MAST3: variants seen among roughly 807,000 people sequenced by gnomAD.
MAST3 encodes microtubule associated serine/threonine kinase 3.
In MAST3, 43 loss-of-function variants were observed where a neutral mutation model predicts 127.0. The observed-to-expected ratio is 0.34, with a 90% CI of 0.27 to 0.44. MAST3 has a LOEUF of 0.44. Among genes scored for constraint, MAST3 ranks in the 20% least tolerant of loss-of-function variants. The pLI, the probability that MAST3 is intolerant of heterozygous loss-of-function variation, is 1.00. For missense variants in MAST3, 1,390 were observed against 1,919.1 expected (o/e 0.72, Z 5.15); for synonymous variants, 785 against 809.2 (o/e 0.97, Z 0.51).
In MAST3 at chr19:18,143,895, T is replaced by A. The variant is rs1346523312; in HGVS notation, c.2472T>A (p.Asp824Glu). The A allele has an allele frequency of 6.2e-7, 1 of 1,613,886 alleles. No individual in the cohort carries two copies. The highest frequency in any genetic ancestry group is 8.5e-7 in the Non-Finnish European group (1 of 1,179,864). ...TMPKFAFSSE[D>E]EGVGPGPAGP... The stretch of plus-strand genomic sequence containing the variant: ...CCAAGTTTGCCTTCTCATCAGAGGA[T>A]GAGGGGGTAGGCCCAGGCCCTGCAG... Residue 824 changes from aspartate to glutamate, a missense_variant, in exon 22 of 28, where the codon GAT becomes GAA. Physicochemically the swap from Asp to Glu is conservative, Grantham distance 45. Coordinates refer to ENST00000687212, the MANE Select transcript of MAST3 (RefSeq NM_001393504.1).
rs368041200 is a variant in MAST3, at chr19:18,149,633, G to C, written c.3951G>C (p.Glu1317Asp). ...VQEVSFDEPQ[E>D]EATGLPTSVP... ...AGGTTAGCTTCGATGAGCCGCAGGAGGAGGCCACTGGGCTGCCCACCTCAG... is the reference window on the plus strand; with the variant it reads ...AGGTTAGCTTCGATGAGCCGCAGGACGAGGCCACTGGGCTGCCCACCTCAG... Residue 1317 changes from glutamate to aspartate, a missense_variant, in exon 28 of 28, where the codon GAG becomes GAC. Physicochemically the swap from Glu to Asp is conservative, Grantham distance 45. This residue lies in a region of MAST3 where 816 missense variants were observed against 934.1 expected (regional missense o/e 0.87). Transcript: ENST00000687212. This position sits in a 1 kb window ranked among gnomAD's most constrained non-coding sequence, Gnocchi z 5.9. 5.0e-5 allele frequency: 80 copies of C among 1,613,164 alleles called. No homozygotes were observed. The African/African-American group carries it at 1.0e-3, about 20-fold the overall frequency.
chr19:18,109,978 C>T, intron 2 of MAST3: 1 of 985,366 alleles, frequency 1.0e-6, no homozygotes, highest in Non-Finnish European at 1.2e-6. Context: ...GAGCCAGTGA[C>T]CGCCCTTCCC....
intron 8 of MAST3, 89 bp downstream of exon 8, chr19:18,123,744 C>A (rs1221364249): frequency 1.7e-6 from 2 of 1,193,636 alleles, no homozygotes; most frequent in Non-Finnish European, 2.3e-6. Flanking sequence ...GGCTATGTCC[C>A]CTTTGCCAGT....
At chr19:18,139,927 C>T (rs1312361526) in intron 20 of MAST3, among the ~76,000 whole-genome samples, 1 of 148,870 alleles carries the variant, frequency 6.7e-6, no homozygotes, top group Non-Finnish European at 1.5e-5. Flanking sequence ...TCACGCCATT[C>T]TCCTGCCTCA....
rs775141064 is a variant in MAST3 at position 18,130,516 on chromosome 19, C to G, written c.1246C>G (p.Arg416Gly). The G allele has an allele frequency of 6.2e-7, 1 of 1,606,614 alleles. No individual in the cohort carries two copies. Among genetic ancestry groups the G allele is most frequent in the Non-Finnish European group, 8.5e-7 (1 of 1,176,382 alleles). The change falls in exon 14 of 28, where the codon CGT becomes GGT. Residue 416 changes from arginine (R) to glycine (G), a missense_variant. Physicochemically the swap from Arg to Gly is moderately radical, Grantham distance 125 (BLOSUM62 -2). This residue lies in a region of MAST3 where 277 missense variants were observed against 384.8 expected (regional missense o/e 0.72). Transcript: ENST00000687212. ...CAGGGCCGTCTACCTGGTGCGGCACCGTGACACACGGCAGCGCTTTGCCAT... is the reference window on the plus strand; with the variant it reads ...CAGGGCCGTCTACCTGGTGCGGCACGGTGACACACGGCAGCGCTTTGCCAT... ...AYGAVYLVRH[R>G]DTRQRFAIKK...
At chr19:18,129,930 AAAAAAAAGGAAAG>A (rs1029119788) in intron 13 of MAST3, among the ~76,000 whole-genome samples, 10 of 149,602 alleles carry the variant, frequency 6.7e-5, no homozygotes, top group African/African-American at 2.5e-4. Flanking sequence ...CTCAAAAAAA[AAAAAAAAGGAAAG>A]AAAGAAAGAA....
Position 18,144,669 on chromosome 19 carries a change from G to T in MAST3, c.2788G>T (p.Ala930Ser). Reference protein sequence around the residue: ...GRVPKSASVSALSLIITADDG... With the variant: ...GRVPKSASVSSLSLIITADDG... Reference sequence around the variant, plus strand: ...CGTGCCCAAGTCAGCCTCTGTCTCTGCCCTGTCCCTCATCATCACGGCAGG... The same window carrying T: ...CGTGCCCAAGTCAGCCTCTGTCTCTTCCCTGTCCCTCATCATCACGGCAGG... The change falls in exon 23 of 28, where the codon GCC (alanine) becomes TCC (serine). Residue 930 changes from alanine to serine, a missense_variant. Physicochemically the swap from Ala to Ser is moderately conservative, Grantham distance 99. Around this residue, in one of 5 missense-constraint regions of MAST3, gnomAD observed 816 missense variants for 934.1 expected, o/e 0.87. Coordinates refer to ENST00000687212, the MANE Select transcript of MAST3 (RefSeq NM_001393504.1). This position sits in a 1 kb window ranked among gnomAD's most constrained non-coding sequence, Gnocchi z 4.0. 6.2e-7 allele frequency: 1 copy of T among 1,609,716 alleles called. No individual in the cohort carries two copies. Among genetic ancestry groups the T allele is most frequent in the Non-Finnish European group, 8.5e-7 (1 of 1,179,864 alleles).
In MAST3 at chr19:18,121,766, C is replaced by A; in HGVS notation, c.243C>A (p.Val81=). Residue 81 remains valine (V), a synonymous_variant, in exon 4 of 28, where the codon GTC becomes GTA. Coordinates refer to ENST00000687212, the MANE Select transcript of MAST3 (RefSeq NM_001393504.1). The stretch of plus-strand genomic sequence containing the variant: ...CCCGGCCCCTGTCGCCATTGTCGGT[C>A]CCAACGGGTGAGTGTGGGAGCAGCC... ...TLSRPLSPLS[V]PTGSSPLDSP... 1 of 1,614,020 alleles carries A rather than the reference C, an allele frequency of 6.2e-7. No homozygotes were observed. The highest frequency in any genetic ancestry group is 8.5e-7 in the Non-Finnish European group (1 of 1,179,902).
intron 27 of MAST3, among the ~76,000 whole-genome samples, chr19:18,147,944 C>T (rs1010695282): frequency 1.8e-4 from 27 of 152,008 alleles, no homozygotes; most frequent in African/African-American, 5.1e-4. Context: ...TCACTGAGCC[C>T]AGGAGTTTGA....
chr19:18,135,946 C>A, intron 18 of MAST3, 105 bp downstream of exon 18: 1 of 818,722 alleles, frequency 1.2e-6, no homozygotes, highest in Non-Finnish European at 2.0e-6. Flanking sequence ...ACTTGGGAAG[C>A]TGCATGGAGG....
In MAST3 at chr19:18,130,629, C is replaced by T. The variant is rs2041171975; in HGVS notation, c.1359C>T (p.Asn453=). Reference sequence around the variant, plus strand: ...GTGACATTCTCACCTTTGCCGAGAACCCCTTTGTGGTCAGCATGTTCTGCT... The same window carrying T: ...GTGACATTCTCACCTTTGCCGAGAATCCCTTTGTGGTCAGCATGTTCTGCT... ...VERDILTFAE[N]PFVVSMFCSF... is the part of the protein sequence containing the mutation. The change falls in exon 14 of 28, where the codon AAC becomes AAT. Residue 453 remains asparagine, a synonymous_variant. Transcript: ENST00000687212. 3.7e-6 allele frequency: 6 copies of T among 1,614,084 alleles called. No homozygotes were observed. Among genetic ancestry groups the T allele is most frequent in the Non-Finnish European group, 5.1e-6 (6 of 1,179,986 alleles).
chr19:18,113,839 C>A (rs2038926301), intron 3 of MAST3, among the ~76,000 whole-genome samples: 1 of 152,196 alleles, frequency 6.6e-6, no homozygotes, highest in African/African-American at 2.4e-5. Flanking sequence ...CTCAGGTGAT[C>A]CACCCGCCTT....
At chr19:18,107,044 G>A (rs1331249897) in intron 1 of MAST3, among the ~76,000 whole-genome samples, 2 of 126,740 alleles carry the variant, frequency 1.6e-5, no homozygotes, top group Non-Finnish European at 3.1e-5. Flanking sequence ...TCAAACTCCT[G>A]AACTCAAGTG....
Position 18,112,353 on chromosome 19 carries a change from G to A in MAST3, c.161+1612G>A, listed in dbSNP as rs2038743461. Among the ~76,000 whole-genome samples, 1 of 152,120 alleles carries A rather than the reference G, an allele frequency of 6.6e-6. No homozygotes were observed. Among genetic ancestry groups the A allele is most frequent in the South Asian group, 2.1e-4 (1 of 4,818 alleles). ...TTTTTGTTTGTTTGTTTGTTTGTTT[G>A]AGAAGGGATCTTGCTCTGTTGCCCA... On this transcript the variant is annotated intron_variant, in intron 3 of 27. Transcript: ENST00000687212. This position sits in a 1 kb window ranked among gnomAD's most constrained non-coding sequence, Gnocchi z 4.1.
At position 18,138,356 on chromosome 19, in the gene MAST3, G is replaced by A. The variant is rs568617120; in HGVS notation, c.2096-659G>A. On this transcript the variant is annotated intron_variant, in intron 19 of 27. Transcript: ENST00000687212. ...TTTTGAGACGGAGTCTCACTCTGTC[G>A]CCCAGGCTGGAGTGCAGTGGCGCGA... Among the ~76,000 whole-genome samples, 26 of 147,056 alleles carry A rather than the reference G, an allele frequency of 1.8e-4. 2 individuals carry two copies. In the East Asian group the frequency reaches 4.7e-3, roughly 26 times the overall value.
At chr19:18,114,297 C>G (rs532879131) in intron 3 of MAST3, among the ~76,000 whole-genome samples, 8 of 150,912 alleles carry the variant, frequency 5.3e-5, no homozygotes, top group Non-Finnish European at 1.2e-4. Context: ...TCAAGTGATT[C>G]TCCTGCCTCA....
At chr19:18,143,724 G>A (rs1464656717) in intron 21 of MAST3, 39 bp from the exon 22 acceptor site, 1 of 1,610,098 alleles carries the variant, frequency 6.2e-7, no homozygotes, top group Non-Finnish European at 8.5e-7. Context: ...TGGGGTGCAG[G>A]TGCCTGGCAG....
rs754552450 is a variant in MAST3, at chr19:18,147,493, C to G, written c.3377C>G (p.Thr1126Ser). 4 of 1,613,150 alleles carry G rather than the reference C, an allele frequency of 2.5e-6. No homozygotes were observed. Among genetic ancestry groups the G allele is most frequent in the African/African-American group, 2.7e-5 (2 of 74,856 alleles). ...KISKQTSVLH[T>S]SRSFSSGLHH... The stretch of plus-strand genomic sequence containing the variant: ...TCCAAGCAGACCTCCGTGCTGCACA[C>G]CAGCCGCAGCTTCTCCTCCGGACTC... The change falls in exon 27 of 28, where the codon ACC (threonine) becomes AGC (serine). Residue 1126 changes from threonine to serine, a missense_variant. Coordinates refer to ENST00000687212, the MANE Select transcript of MAST3 (RefSeq NM_001393504.1).
At position 18,110,138 on chromosome 19, in the gene MAST3, G is replaced by A; in HGVS notation, c.72-514G>A. On this transcript the variant is annotated intron_variant, in intron 2 of 27. Transcript: ENST00000687212. The surrounding 1 kb of genome is among the most constrained non-coding windows in gnomAD (Gnocchi z 4.3). Reference sequence around the variant, plus strand: ...GGTGCGGAGCTGCGATCCCCGCCCCGAGGCGGAGCCAGCCCGGCCCCCAGC... The same window carrying A: ...GGTGCGGAGCTGCGATCCCCGCCCCAAGGCGGAGCCAGCCCGGCCCCCAGC... The A allele has an allele frequency of 1.0e-6, 1 of 985,350 alleles. No homozygotes were observed. The highest frequency in any genetic ancestry group is 1.2e-6 in the Non-Finnish European group (1 of 829,918). 61.0% of individuals were successfully genotyped at this position (985,350 alleles called of 1,614,324 possible). A position where few individuals can be genotyped will look rare whatever the true frequency, so the allele number is the denominator to read the frequency against.
Sources: gnomAD v4.1 joint callset for allele counts (sites outside exome capture counted in the v4.1 genomes callset) on GRCh38, gnomAD v4.1.1 for gene constraint, gnomAD v4.1.1 regional missense constraint, Gnocchi (gnomAD v3.1) non-coding constraint, MANE v1.5 for transcripts, NCBI Gene and HGNC (gene_info 2026-07-23, HGNC 2026-07-21) for gene names.